The following CSMD1 variants were observed in gnomAD, a reference collection of about 807,000 sequenced individuals.
CSMD1 encodes the protein CUB and Sushi multiple domains 1, also known as CUB and sushi domain-containing protein 1.
Under a neutral mutation model 417.5 loss-of-function variants are expected in CSMD1, and 213 were observed. The observed-to-expected ratio is 0.51, with a 90% CI of 0.46 to 0.57. The LOEUF is 0.57. CSMD1 is among the 20% of genes least tolerant of loss of function. The pLI, the probability that CSMD1 is intolerant of heterozygous loss-of-function variation, is 0.00. For synonymous variants in CSMD1, 2,862 were observed against 1,736.8 expected (o/e 1.65, Z -16.11); for missense variants, 6,923 against 4,529.7 (o/e 1.53, Z -15.17).
chr8:4,575,215 C>A (rs1799082074), intron 2 of CSMD1, among the ~76,000 whole-genome samples: 1 of 152,158 alleles, frequency 6.6e-6, no homozygotes, highest in Middle Eastern at 3.2e-3. Context: ...CTATAATTCT[C>A]CTAAAAATAC....
Position 4,465,484 on chromosome 8 carries a change from C to T in CSMD1, c.303-45419G>A, listed in dbSNP as rs188918444. ...ATTTTAAAATACCAAGATGGTTCGT[C>T]GTCCTCCCAAGAGGTGACTTAACAG... On this transcript the variant is annotated intron_variant, in intron 2 of 69. Transcript: ENST00000635120. Among the ~76,000 whole-genome samples, 273 of 152,244 alleles carry T rather than the reference C, an allele frequency of 1.8e-3. 1 individual carries two copies. The highest frequency in any genetic ancestry group is 3.4e-3 in the Middle Eastern group (1 of 294).
At chr8:3,500,219 A>G (rs561396509) in intron 10 of CSMD1, among the ~76,000 whole-genome samples, 2 of 152,050 alleles carry the variant, frequency 1.3e-5, no homozygotes, top group South Asian at 2.1e-4. Flanking sequence ...TCTCCCCTAG[A>G]CACTGCACTT....
At chr8:3,862,076 T>G (rs1804751134) in intron 5 of CSMD1, among the ~76,000 whole-genome samples, 1 of 152,240 alleles carries the variant, frequency 6.6e-6, no homozygotes, top group Admixed American at 6.5e-5. Flanking sequence ...TGTGCCTTTC[T>G]TTTTGCCATC....
rs558564653 is a variant in CSMD1, at chr8:3,922,207, T to A, written c.818+75696A>T. On this transcript the variant is annotated intron_variant, in intron 5 of 69. Coordinates refer to ENST00000635120, the MANE Select transcript of CSMD1 (RefSeq NM_033225.6). Reference sequence around the variant, plus strand: ...AATATAGACAACCCTACTCTCTTCTTTTTAACCACTTGCATAAAAATATCC... The same window carrying A: ...AATATAGACAACCCTACTCTCTTCTATTTAACCACTTGCATAAAAATATCC... Among the ~76,000 whole-genome samples, 15 of 152,260 alleles carry A rather than the reference T, an allele frequency of 9.9e-5. No individual in the cohort carries two copies. In the South Asian group the frequency reaches 2.9e-3, roughly 29 times the overall value.
intron 2 of CSMD1, among the ~76,000 whole-genome samples, chr8:4,436,686 C>A (rs1468014847): frequency 3.3e-5 from 5 of 152,168 alleles, no homozygotes; most frequent in Non-Finnish European, 5.9e-5. Flanking sequence ...CTACCCTACA[C>A]AGCTTCTGGT....
At chr8:4,727,642 C>G (rs1809544946) in intron 1 of CSMD1, among the ~76,000 whole-genome samples, 1 of 152,090 alleles carries the variant, frequency 6.6e-6, no homozygotes, top group Non-Finnish European at 1.5e-5. Flanking sequence ...CTGGTTCCCA[C>G]TTGAAATCCA....
rs78614803 is a variant in CSMD1 at position 3,394,815 on chromosome 8, G to A, written c.2593+1379C>T. On this transcript the variant is annotated intron_variant, in intron 17 of 69. Transcript: ENST00000635120. ...AATTTTACTTTAAGTTTCAAAATAC[G>A]TTACTTTGGAGCAAATGTTGTATAT... 1.6e-3 allele frequency among the ~76,000 whole-genome samples: 242 copies of A among 152,174 alleles called. 3 individuals carry two copies. The East Asian group carries it at 0.031, about 19-fold the overall frequency.
intron 6 of CSMD1, among the ~76,000 whole-genome samples, chr8:3,737,485 T>C (rs912751550): frequency 5.9e-5 from 9 of 152,256 alleles, no homozygotes; most frequent in African/African-American, 2.2e-4. Context: ...TTGCTCTCTG[T>C]TGAAAAATTT....
chr8:4,390,355 C>G (rs1415206560), intron 3 of CSMD1, among the ~76,000 whole-genome samples: 1 of 152,000 alleles, frequency 6.6e-6, no homozygotes, highest in Non-Finnish European at 1.5e-5. Context: ...ATAATAATAC[C>G]ACATTCCAAG....
At chr8:4,198,628 T>C (rs1224551870) in intron 3 of CSMD1, among the ~76,000 whole-genome samples, 2 of 152,198 alleles carry the variant, frequency 1.3e-5, no homozygotes, top group Non-Finnish European at 2.9e-5. Flanking sequence ...TATAGATCGA[T>C]GGATAATGTC....
At chr8:4,601,027 G>T (rs1800551348) in intron 2 of CSMD1, among the ~76,000 whole-genome samples, 1 of 150,880 alleles carries the variant, frequency 6.6e-6, no homozygotes, top group South Asian at 2.1e-4. Context: ...TGCCATCTCG[G>T]CTCACTGCAA....
chr8:4,615,805 T>C (rs1452404801), intron 2 of CSMD1, among the ~76,000 whole-genome samples: 2 of 152,166 alleles, frequency 1.3e-5, no homozygotes, highest in Non-Finnish European at 2.9e-5. Flanking sequence ...ACTATTTCCA[T>C]CTTATTCCTG....
At chr8:3,039,345 G>GCCTT (rs746783307) in intron 50 of CSMD1, among the ~76,000 whole-genome samples, 1 of 115,060 alleles carries the variant, frequency 8.7e-6, no homozygotes, top group Non-Finnish European at 1.7e-5. Flanking sequence ...CTTCCTTTCC[G>GCCTT]CCTTCCTTCC....
At chr8:3,897,101 G>C (rs949643185) in intron 5 of CSMD1, among the ~76,000 whole-genome samples, 1 of 152,148 alleles carries the variant, frequency 6.6e-6, no homozygotes, top group African/African-American at 2.4e-5. Flanking sequence ...AATACTGGAT[G>C]TATTCATGAC....
At chr8:4,242,347 C>A (rs530380897) in intron 3 of CSMD1, among the ~76,000 whole-genome samples, 55 of 152,136 alleles carry the variant, frequency 3.6e-4, no homozygotes, top group South Asian at 4.2e-4. Context: ...AATTTGCAAC[C>A]TCCCTAAGTA....
At chr8:3,137,708 T>C (rs1818186357) in intron 41 of CSMD1, among the ~76,000 whole-genome samples, 1 of 152,350 alleles carries the variant, frequency 6.6e-6, no homozygotes, top group Non-Finnish European at 1.5e-5. Flanking sequence ...TAAATAGTTG[T>C]TATTCTGTAT....
chr8:4,453,504 G>C (rs181172917), intron 2 of CSMD1, among the ~76,000 whole-genome samples: 3 of 152,290 alleles, frequency 2.0e-5, no homozygotes, highest in African/African-American at 4.8e-5. Flanking sequence ...GCATCCTTCA[G>C]GCCTTCTTGC....
At chr8:4,702,619 G>C (rs766124627) in intron 1 of CSMD1, among the ~76,000 whole-genome samples, 18 of 152,100 alleles carry the variant, frequency 1.2e-4, no homozygotes, top group Non-Finnish European at 1.2e-4. Context: ...CTCATTACCA[G>C]TCCAGAACAC....
intron 1 of CSMD1, among the ~76,000 whole-genome samples, chr8:4,931,205 A>G (rs753816680): frequency 5.9e-5 from 9 of 152,224 alleles, no homozygotes; most frequent in Non-Finnish European, 1.2e-4. Flanking sequence ...AGATTGAAAT[A>G]TAACTCACTC....
Sources: allele counts gnomAD v4.1 joint callset (sites outside exome capture counted in the v4.1 genomes callset), GRCh38; gene constraint gnomAD v4.1.1; transcripts MANE v1.5; gene names NCBI Gene and HGNC (gene_info 2026-07-23, HGNC 2026-07-21).